The following TMEM135 variants were observed in gnomAD, a reference collection of about 807,000 sequenced individuals.
TMEM135 encodes transmembrane protein 135, also known as peroxisomal membrane protein 52.
Under a neutral mutation model 60.3 loss-of-function variants are expected in TMEM135, and 30 were observed. That is an observed-to-expected ratio of 0.50 (90% CI 0.37 to 0.68). The LOEUF (loss-of-function observed/expected upper bound fraction) is 0.68. Among genes scored for constraint, TMEM135 ranks in the 30% least tolerant of loss-of-function variants. The pLI is 0.00. For missense variants in TMEM135, 468 were observed against 548.8 expected, an observed-to-expected ratio of 0.85 and a Z score of 1.47; for synonymous variants, 190 against 186.7, an observed-to-expected ratio of 1.02 and a Z score of -0.14.
rs540505243 is a variant in TMEM135, at chr11:87,117,113, G to A, written c.396+25718G>A. On this transcript the variant is annotated intron_variant, in intron 4 of 14. Transcript: ENST00000305494. ...TGAGATTACAGGCGTGAGCCACCGCGCCCAGCCAAAGCATTATGTTTAAAA... is the reference window on the plus strand; with the variant it reads ...TGAGATTACAGGCGTGAGCCACCGCACCCAGCCAAAGCATTATGTTTAAAA... Among the ~76,000 whole-genome samples the A allele has an allele frequency of 9.2e-5, 14 of 152,054 alleles. 2 individuals are homozygous for A. The South Asian group carries it at 2.7e-3, about 29-fold the overall frequency.
chr11:87,126,597 A>AAT (rs57158448), intron 4 of TMEM135, among the ~76,000 whole-genome samples: 52,035 of 150,222 alleles, frequency 0.35, 9,383 homozygotes, highest in East Asian at 0.61. Flanking sequence ...TGCTTTTTAA[A>AAT]ATATATATAT....
At chr11:87,251,370 G>A (rs1408625071) in intron 6 of TMEM135, among the ~76,000 whole-genome samples, 2 of 152,080 alleles carry the variant, frequency 1.3e-5, no homozygotes, top group African/African-American at 4.8e-5. Flanking sequence ...AGTGGCAAGA[G>A]GCATTATAAA....
In TMEM135 at chr11:87,196,461, T is replaced by G. The variant is rs150862323; in HGVS notation, c.462+39055T>G. On this transcript the variant is annotated intron_variant, in intron 5 of 14. Transcript: ENST00000305494. ...TAAAAAGTGATCAAGTTCCAAAAAT[T>G]TACATGTTTATTTTAGGATATGCAA... Among the ~76,000 whole-genome samples the G allele has an allele frequency of 2.8e-3, 427 of 152,282 alleles. 11 individuals are homozygous for G. Among genetic ancestry groups the G allele is most frequent in the Admixed American group, 0.025 (385 of 15,276 alleles).
At chr11:87,254,171 G>A (rs999255024) in intron 6 of TMEM135, among the ~76,000 whole-genome samples, 1 of 152,176 alleles carries the variant, frequency 6.6e-6, no homozygotes, top group South Asian at 2.1e-4. Flanking sequence ...GACAATGTCA[G>A]TAATAGTTTA....
At chr11:87,301,571 G>A (rs183460972) in intron 7 of TMEM135, among the ~76,000 whole-genome samples, 10 of 152,122 alleles carry the variant, frequency 6.6e-5, no homozygotes, top group Admixed American at 6.6e-4. Context: ...GACTTTTAGT[G>A]TATTGTTATT....
intron 9 of TMEM135, among the ~76,000 whole-genome samples, chr11:87,308,045 A>G (rs909843827): frequency 6.6e-6 from 1 of 152,142 alleles, no homozygotes; most frequent in Non-Finnish European, 1.5e-5. Context: ...GTTAATGTCT[A>G]TCCTAGTGTC....
intron 5 of TMEM135, among the ~76,000 whole-genome samples, chr11:87,231,285 A>G (rs1422627064): frequency 6.6e-6 from 1 of 152,162 alleles, no homozygotes; most frequent in Non-Finnish European, 1.5e-5. Flanking sequence ...TCCAGGCCAA[A>G]GAAGGAACAA....
At chr11:87,178,696 G>A (rs1485916935) in intron 5 of TMEM135, among the ~76,000 whole-genome samples, 2 of 152,114 alleles carry the variant, frequency 1.3e-5, no homozygotes, top group Non-Finnish European at 2.9e-5. Flanking sequence ...AAATTGCTGG[G>A]ATTATAGGTG....
At chr11:87,078,841 C>G (rs374567916) in intron 3 of TMEM135, among the ~76,000 whole-genome samples, 5 of 151,074 alleles carry the variant, frequency 3.3e-5, no homozygotes, top group East Asian at 3.9e-4. Context: ...AGGCTGGTCT[C>G]GAGCTCCTGA....
rs764535174 is a variant in TMEM135 at position 87,309,538 on chromosome 11, A to T, written c.802A>T (p.Ile268Phe). The T allele has an allele frequency of 1.9e-6, 3 of 1,613,796 alleles. No homozygotes were observed. The highest frequency in any genetic ancestry group is 2.5e-6 in the Non-Finnish European group (3 of 1,179,770). Residue 268 changes from isoleucine (I) to phenylalanine (F), a missense_variant, in exon 10 of 15, where the codon ATC becomes TTC. Physicochemically the swap from Ile to Phe is conservative, Grantham distance 21. Transcript: ENST00000305494. ...CAGAATGTTTAGCGTGGGGTACTTG[A>T]TCCAGTGCTGCCTCCGAATCCCTTC... is the stretch of plus-strand genomic sequence containing the variant. ...FIRMFSVGYL[I>F]QCCLRIPSAF...
intron 5 of TMEM135, chr11:87,157,700 A>G (rs5028348): frequency 0.36 from 111,460 of 309,976 alleles, 21,240 homozygotes; most frequent in East Asian, 0.66. Context: ...GAAAAAAAGA[A>G]TTCCTTAGCT....
intron 6 of TMEM135, among the ~76,000 whole-genome samples, chr11:87,242,802 T>C (rs10792919): frequency 0.58 from 72,342 of 125,698 alleles, 19,237 homozygotes; most frequent in Non-Finnish European, 0.62. Flanking sequence ...TTTTGTAGGA[T>C]GCCTGTTCAC....
chr11:87,107,650 A>G (rs1857632609), intron 4 of TMEM135, among the ~76,000 whole-genome samples: 1 of 152,070 alleles, frequency 6.6e-6, no homozygotes, highest in Admixed American at 6.5e-5. Context: ...CATTTTCTTA[A>G]TCCAGGCTAT....
At chr11:87,298,778 CT>C (rs1264632707) in intron 7 of TMEM135, among the ~76,000 whole-genome samples, 1 of 57,666 alleles carries the variant, frequency 1.7e-5, no homozygotes, top group Non-Finnish European at 3.1e-5. Flanking sequence ...CAGAGTGAGA[CT>C]CTGTCTCAAA....
chr11:87,140,665 A>G (rs572233295), intron 4 of TMEM135, among the ~76,000 whole-genome samples: 62 of 152,196 alleles, frequency 4.1e-4, no homozygotes, highest in South Asian at 1.9e-3. Context: ...TTTCTTTAAT[A>G]TTTGTTTTTT....
intron 6 of TMEM135, among the ~76,000 whole-genome samples, chr11:87,287,655 G>A (rs759134422): frequency 6.6e-6 from 1 of 152,164 alleles, no homozygotes; most frequent in Non-Finnish European, 1.5e-5. Context: ...CCAGCCTGGC[G>A]ACAGAGTGAG....
intron 11 of TMEM135, among the ~76,000 whole-genome samples, 161 bp downstream of exon 11, chr11:87,313,649 A>G (rs1942679117): frequency 6.6e-6 from 1 of 151,860 alleles, no homozygotes; most frequent in Admixed American, 6.6e-5. Flanking sequence ...GATGTTTAAC[A>G]TATCAAGGCA....
intron 4 of TMEM135, among the ~76,000 whole-genome samples, chr11:87,119,470 A>G (rs1473102202): frequency 2.0e-5 from 3 of 152,238 alleles, no homozygotes; most frequent in Non-Finnish European, 4.4e-5. Context: ...TGGGAGGCCA[A>G]GGAGGACAGA....
intron 5 of TMEM135, among the ~76,000 whole-genome samples, chr11:87,200,425 C>T (rs1591098635): frequency 6.6e-6 from 1 of 152,202 alleles, no homozygotes; most frequent in East Asian, 1.9e-4. Context: ...TTTTCTTCTT[C>T]ATTACAGACC....
Sources: gnomAD v4.1 joint callset for allele counts (sites outside exome capture counted in the v4.1 genomes callset) on GRCh38, gnomAD v4.1.1 for gene constraint, MANE v1.5 for transcripts, NCBI Gene and HGNC (gene_info 2026-07-23, HGNC 2026-07-21) for gene names.